Variants in DOCK1 observed in about 807,000 individuals in gnomAD.
DOCK1 encodes the protein dedicator of cytokinesis 1, also known as dedicator of cytokinesis protein 1.
In DOCK1, 138 loss-of-function variants were observed where a neutral mutation model predicts 262.7. The ratio of observed to expected loss-of-function variants is 0.53; its 90% CI spans 0.46 to 0.61. The LOEUF (loss-of-function observed/expected upper bound fraction) is 0.61. Ranked by LOEUF, DOCK1 falls within the 20% of genes least tolerant of loss-of-function variation. The pLI is 0.00. For synonymous variants in DOCK1, 866 were observed against 867.4 expected (o/e 1.00, Z 0.03); for missense variants, 1,908 against 2,370.7 (o/e 0.80, Z 4.05).
rs562028978 is a variant in DOCK1 at position 127,386,544 on chromosome 10, A to G, written c.3927+1635A>G. On this transcript the variant is annotated intron_variant, in intron 38 of 51. Transcript: ENST00000623213. ...CTATTGTGAACTGTGCGTGTGAGGG[A>G]TCTAGGTGCCATACTCCTCATGAGA... Among the ~76,000 whole-genome samples, 6 of 151,294 alleles carry G rather than the reference A, an allele frequency of 4.0e-5. No homozygotes were observed. The East Asian group carries it at 1.2e-3, about 29-fold the overall frequency.
At chr10:127,234,107 G>A (rs926883208) in intron 27 of DOCK1, among the ~76,000 whole-genome samples, 6 of 152,064 alleles carry the variant, frequency 3.9e-5, no homozygotes, top group South Asian at 2.1e-4. Flanking sequence ...CACTAAAAGC[G>A]TGCCCATTAA....
chr10:126,990,657 CACTATA>C (rs2039725408), intron 6 of DOCK1, 54 bp downstream of exon 6: 1 of 1,572,706 alleles, frequency 6.4e-7, no homozygotes, highest in Admixed American at 1.8e-5. Flanking sequence ...GTAATAACAT[CACTATA>C]AGTCTTCAGG....
At chr10:127,299,266 T>C (rs759905341) in intron 29 of DOCK1, among the ~76,000 whole-genome samples, 9 of 150,210 alleles carry the variant, frequency 6.0e-5, no homozygotes, top group Non-Finnish European at 1.3e-4. Flanking sequence ...ACCTGGCTAA[T>C]TTTTTTGCAT....
intron 1 of DOCK1, among the ~76,000 whole-genome samples, chr10:126,946,644 C>A (rs2035430129): frequency 6.6e-6 from 1 of 152,170 alleles, no homozygotes; most frequent in Admixed American, 6.5e-5. Flanking sequence ...ACTCTAGGAG[C>A]CACATAGGAA....
intron 48 of DOCK1, among the ~76,000 whole-genome samples, chr10:127,434,899 G>C (rs561089919): frequency 6.6e-6 from 1 of 152,052 alleles, no homozygotes; most frequent in Non-Finnish European, 1.5e-5. Context: ...TGATCCGCCC[G>C]CCTCGGCCTC....
At chr10:127,227,423 C>T (rs1403031124) in intron 27 of DOCK1, among the ~76,000 whole-genome samples, 4 of 152,158 alleles carry the variant, frequency 2.6e-5, no homozygotes, top group Non-Finnish European at 5.9e-5. Flanking sequence ...CCCAGTGTGT[C>T]CTGAGCACCC....
chr10:127,270,758 C>T (rs1328231809), intron 29 of DOCK1, among the ~76,000 whole-genome samples: 2 of 152,108 alleles, frequency 1.3e-5, no homozygotes, highest in Non-Finnish European at 1.5e-5. Flanking sequence ...CCTTTTTACA[C>T]GTCCCTGTCC....
chr10:126,906,122 C>T (rs1055823546), intron 1 of DOCK1, among the ~76,000 whole-genome samples: 5 of 152,214 alleles, frequency 3.3e-5, no homozygotes, highest in African/African-American at 4.8e-5. Flanking sequence ...GGCGGTCTCG[C>T]TGGGGACCGT....
At chr10:127,192,129 A>C (rs915792119) in intron 27 of DOCK1, among the ~76,000 whole-genome samples, 2 of 152,234 alleles carry the variant, frequency 1.3e-5, no homozygotes, top group African/African-American at 4.8e-5. Context: ...TATGCTGTGC[A>C]GAGATGTAAG....
chr10:127,311,045 A>G (rs1286092122), intron 29 of DOCK1, among the ~76,000 whole-genome samples: 1 of 152,204 alleles, frequency 6.6e-6, no homozygotes, highest in East Asian at 1.9e-4. Context: ...CAGATTGGGC[A>G]TAAGAATAGG....
intron 27 of DOCK1, among the ~76,000 whole-genome samples, chr10:127,179,867 A>G (rs570329527): frequency 6.6e-6 from 1 of 152,322 alleles, no homozygotes; most frequent in East Asian, 1.9e-4. Flanking sequence ...TGCTAATCAA[A>G]TGTCACCATT....
intron 27 of DOCK1, among the ~76,000 whole-genome samples, chr10:127,142,215 G>A (rs988162970): frequency 1.3e-5 from 2 of 152,226 alleles, no homozygotes; most frequent in African/African-American, 4.8e-5. Flanking sequence ...TTCCCAGGGC[G>A]GCTCCAGTGC....
chr10:126,983,335 T>C (rs1221389433), intron 4 of DOCK1, among the ~76,000 whole-genome samples: 1 of 152,164 alleles, frequency 6.6e-6, no homozygotes, highest in African/African-American at 2.4e-5. Flanking sequence ...CCTCTTCTTT[T>C]CCTCCAGGTT....
At chr10:126,923,214 C>G (rs1021478717) in intron 1 of DOCK1, among the ~76,000 whole-genome samples, 3 of 152,214 alleles carry the variant, frequency 2.0e-5, no homozygotes, top group African/African-American at 7.2e-5. Flanking sequence ...TTGCTGACCT[C>G]TGGTCTAGAG....
At chr10:126,960,880 AAAAG>A (rs1355941848) in intron 1 of DOCK1, among the ~76,000 whole-genome samples, 1 of 151,750 alleles carries the variant, frequency 6.6e-6, no homozygotes, top group East Asian at 1.9e-4. Context: ...TAGAAAAAAA[AAAAG>A]AAATAAGATA....
intron 29 of DOCK1, among the ~76,000 whole-genome samples, chr10:127,293,881 C>A (rs913908928): frequency 6.6e-6 from 1 of 152,224 alleles, no homozygotes; most frequent in African/African-American, 2.4e-5. Flanking sequence ...GTGGCCTCTG[C>A]CAAAACCACC....
intron 38 of DOCK1, among the ~76,000 whole-genome samples, chr10:127,397,483 T>TA (rs1181300051): frequency 6.7e-6 from 1 of 149,438 alleles, no homozygotes; most frequent in African/African-American, 2.5e-5. Flanking sequence ...GAGCATGAGT[T>TA]ACACGGGCAG....
intron 38 of DOCK1, among the ~76,000 whole-genome samples, chr10:127,398,718 C>G (rs2067060251): frequency 6.6e-6 from 1 of 152,224 alleles, no homozygotes; most frequent in Admixed American, 6.5e-5. Flanking sequence ...TTACTTACAG[C>G]TAGTCAGCAA....
At chr10:127,107,606 G>T (rs1370916644) in intron 24 of DOCK1, among the ~76,000 whole-genome samples, 2 of 152,180 alleles carry the variant, frequency 1.3e-5, no homozygotes, top group African/African-American at 2.4e-5. Context: ...CCAAGAGCGG[G>T]CCCCAAAATG....
Sources: allele counts gnomAD v4.1 joint callset (sites outside exome capture counted in the v4.1 genomes callset), GRCh38; gene constraint gnomAD v4.1.1; transcripts MANE v1.5; gene names NCBI Gene and HGNC (gene_info 2026-07-23, HGNC 2026-07-21).